Variants in ABCA9 observed in about 807,000 individuals in gnomAD.
The protein encoded by ABCA9 is ATP binding cassette subfamily A member 9.
Under a neutral mutation model 205.3 loss-of-function variants are expected in ABCA9, and 183 were observed. That is an observed-to-expected ratio of 0.89 (90% CI 0.79 to 1.01). The LOEUF (loss-of-function observed/expected upper bound fraction) is 1.01. ABCA9 is among the 50% of genes least tolerant of loss of function. The pLI, the probability that ABCA9 is intolerant of heterozygous loss-of-function variation, is 0.00. For synonymous variants in ABCA9, 651 were observed against 683.3 expected, an observed-to-expected ratio of 0.95 and a Z score of 0.74; for missense variants, 1,805 against 1,912.4, an observed-to-expected ratio of 0.94 and a Z score of 1.05.
At chr17:68,992,740 G>C (rs570237869) in intron 27 of ABCA9, 241 of 286,528 alleles carry the variant, frequency 8.4e-4, no homozygotes, top group Non-Finnish European at 1.5e-3. Context: ...TTGAACACGG[G>C]AGGTGGAGGT....
Position 69,028,642 on chromosome 17 carries a change from A to C in ABCA9, c.1508T>G (p.Val503Gly). 1 of 1,562,530 alleles carries C rather than the reference A, an allele frequency of 6.4e-7. No individual in the cohort carries two copies. Among genetic ancestry groups the C allele is most frequent in the Non-Finnish European group, 8.7e-7 (1 of 1,154,744 alleles). ...KCERVEALKG[V>G]VFDIYEGQIT... The stretch of plus-strand genomic sequence containing the variant: ...CTGGCCTTCATATATGTCAAACACC[A>C]CACCTGGCATGATTTTAAAAAAAAT... Residue 503 changes from valine (V) to glycine (G), a missense_variant, in exon 12 of 39, where the codon GTG becomes GGG. Coordinates refer to ENST00000340001, the MANE Select transcript of ABCA9 (RefSeq NM_080283.4).
chr17:69,060,108 T>C (rs1440187164), intron 1 of ABCA9, among the ~76,000 whole-genome samples: 1 of 152,234 alleles, frequency 6.6e-6, no homozygotes, highest in African/African-American at 2.4e-5. Flanking sequence ...TTGTCATGAA[T>C]GTGGTTATTT....
In ABCA9 at chr17:68,986,302, C is replaced by T. The variant is rs371390715; in HGVS notation, c.4070G>A (p.Gly1357Glu). 3.7e-6 allele frequency: 6 copies of T among 1,608,334 alleles called. No individual in the cohort carries two copies. The highest frequency in any genetic ancestry group is 5.1e-6 in the Non-Finnish European group (6 of 1,178,110). Reference sequence around the variant, plus strand: ...CCCCAGGAAGCCCAGGGGTTCCCCTCCACCGCTCCCTTTCAAAATCACCTA... The same window carrying T: ...CCCCAGGAAGCCCAGGGGTTCCCCTTCACCGCTCCCTTTCAAAATCACCTA... ...AGQVILKGSGGGEPLGFLGYC... is the reference protein window; with the variant it reads ...AGQVILKGSGEGEPLGFLGYC... The change falls in exon 32 of 39, where the codon GGA (glycine) becomes GAA (glutamate). Residue 1357 changes from glycine (G) to glutamate (E), a missense_variant. Physicochemically the swap from Gly to Glu is moderately conservative, Grantham distance 98. Coordinates refer to ENST00000340001, the MANE Select transcript of ABCA9 (RefSeq NM_080283.4).
chr17:69,002,500 C>G (rs1419204409), intron 25 of ABCA9, among the ~76,000 whole-genome samples: 2 of 147,730 alleles, frequency 1.4e-5, no homozygotes, highest in Admixed American at 6.7e-5. Flanking sequence ...GTTATAATTT[C>G]TGTTCTTTTA....
intron 1 of ABCA9, among the ~76,000 whole-genome samples, chr17:69,054,472 G>A (rs1479487987): frequency 6.6e-6 from 1 of 150,766 alleles, no homozygotes; most frequent in East Asian, 1.9e-4. Flanking sequence ...AGGCTGCAGT[G>A]AGCTGTGATG....
At chr17:68,987,669 T>C (rs1441552765) in intron 31 of ABCA9, among the ~76,000 whole-genome samples, 1 of 151,968 alleles carries the variant, frequency 6.6e-6, no homozygotes, top group Non-Finnish European at 1.5e-5. Context: ...GTTGCAGCCA[T>C]GGTAAAGATT....
chr17:69,069,709 C>T, the ABCA9 span, among the ~76,000 whole-genome samples: 1 of 151,428 alleles, frequency 6.6e-6, no homozygotes, highest in Non-Finnish European at 1.5e-5. Context: ...TCTCTTGATC[C>T]CTTCTTTTGT....
intron 1 of ABCA9, among the ~76,000 whole-genome samples, chr17:69,057,774 G>C (rs764985800): frequency 1.4e-4 from 22 of 152,128 alleles, no homozygotes; most frequent in Non-Finnish European, 3.1e-4. Context: ...TCGACCAACT[G>C]GCGGTAGATA....
upstream of ABCA9, among the ~76,000 whole-genome samples, chr17:69,061,519 T>A (rs930865294): frequency 6.6e-6 from 1 of 152,202 alleles, no homozygotes; most frequent in Non-Finnish European, 1.5e-5. Context: ...ATTGTGTGCA[T>A]ACTAATTGTA....
In ABCA9 at chr17:69,043,697, CTGAA is replaced by C; in HGVS notation, c.588_591del (p.His196GlnfsTer2). On this transcript the variant is annotated frameshift_variant, in exon 6 of 39. Transcript: ENST00000340001. LOFTEE classifies it high-confidence loss of function. ...GTAACTGACATCAGCTGTTCCATCACTGAATGATTTGTTGCGATCTGAAGAAAGA... is the reference window on the plus strand; with the variant it reads ...GTAACTGACATCAGCTGTTCCATCACTGATTTGTTGCGATCTGAAGAAAGA... 1 of 1,602,324 alleles carries C rather than the reference CTGAA, an allele frequency of 6.2e-7. No individual in the cohort carries two copies. Among genetic ancestry groups the C allele is most frequent in the Non-Finnish European group, 8.5e-7 (1 of 1,176,110 alleles).
the ABCA9 span, among the ~76,000 whole-genome samples, chr17:69,073,865 CTT>C: frequency 6.7e-6 from 1 of 148,544 alleles, no homozygotes; most frequent in Admixed American, 6.8e-5. Flanking sequence ...CTAACTTTTA[CTT>C]TTTTTTTTGT....
chr17:69,061,869 G>T (rs1243656056), upstream of ABCA9, among the ~76,000 whole-genome samples: 2 of 152,198 alleles, frequency 1.3e-5, no homozygotes, highest in Admixed American at 6.5e-5. Flanking sequence ...CTTACAGCCA[G>T]TAAGTCTGTT....
At chr17:69,014,999 C>T (rs1408578243) in intron 22 of ABCA9, among the ~76,000 whole-genome samples, 2 of 152,130 alleles carry the variant, frequency 1.3e-5, no homozygotes, top group Non-Finnish European at 2.9e-5. Flanking sequence ...GTAGAAACTG[C>T]TAGCAACTAG....
chr17:69,044,367 T>C (rs2071642372), intron 5 of ABCA9, 130 bp downstream of exon 5: 2 of 753,400 alleles, frequency 2.7e-6, no homozygotes, highest in East Asian at 5.6e-5. Context: ...ATGGTTTTAT[T>C]ATGGAAGTTG....
intron 31 of ABCA9, among the ~76,000 whole-genome samples, chr17:68,988,112 T>A (rs1255860286): frequency 6.6e-6 from 1 of 152,096 alleles, no homozygotes; most frequent in African/African-American, 2.4e-5. Context: ...GAGGCAAGAG[T>A]GGAAATGGAA....
chr17:69,060,521 AAAAC>A (rs66650437), intron 1 of ABCA9, among the ~76,000 whole-genome samples: 43,937 of 151,978 alleles, frequency 0.29, 6,724 homozygotes, highest in East Asian at 0.63. Flanking sequence ...AGTAAAATTA[AAAAC>A]AAACAAAGAA....
intron 28 of ABCA9, 126 bp downstream of exon 28, chr17:68,992,049 T>C (rs2069469593): frequency 1.7e-6 from 1 of 579,374 alleles, no homozygotes; most frequent in Admixed American, 3.4e-5. Flanking sequence ...TATAAGAATT[T>C]TGTATATCAC....
the ABCA9 span, chr17:69,078,939 A>C: frequency 2.2e-5 from 29 of 1,332,150 alleles, no homozygotes; most frequent in Non-Finnish European, 3.0e-5. Flanking sequence ...ATGAGTTTAT[A>C]GGAGATCAAC....
intron 37 of ABCA9, among the ~76,000 whole-genome samples, chr17:68,981,262 G>T (rs897032213): frequency 2.0e-5 from 3 of 151,968 alleles, no homozygotes; most frequent in Non-Finnish European, 2.9e-5. Flanking sequence ...TTGTATACTT[G>T]AAACTTGCTA....
Sources: allele counts gnomAD v4.1 joint callset (sites outside exome capture counted in the v4.1 genomes callset), GRCh38; gene constraint gnomAD v4.1.1; transcripts MANE v1.5; gene names NCBI Gene and HGNC (gene_info 2026-07-23, HGNC 2026-07-21).